LRP1B: variants seen among roughly 807,000 people sequenced by gnomAD.
LRP1B encodes the protein low-density lipoprotein receptor-related protein 1B.
LRP1B carries 217 observed loss-of-function variants against 556.6 expected under a neutral mutation model. That is an observed-to-expected ratio of 0.39 (90% confidence interval 0.35 to 0.44). The LOEUF is 0.44. Ranked by LOEUF, LRP1B falls within the 20% of genes least tolerant of loss-of-function variation. The pLI is 1.00. For missense variants in LRP1B, 5,053 were observed against 5,620.8 expected, an observed-to-expected ratio of 0.90 and a Z score of 3.23; for synonymous variants, 2,047 against 1,865.8, an observed-to-expected ratio of 1.10 and a Z score of -2.50.
In LRP1B at chr2:140,307,474, A is replaced by G. The variant is rs900620413; in HGVS notation, c.12805+7461T>C. On this transcript the variant is annotated intron_variant, in intron 83 of 90. Transcript: ENST00000389484. ...AGCTTCATATAAAATCCTATTGCTC[A>G]TTTTTTTCTTGATTTTATACTTTTG... Among the ~76,000 whole-genome samples, 3 of 151,666 alleles carry G rather than the reference A, an allele frequency of 2.0e-5. No homozygotes were observed. In the Admixed American group the frequency reaches 2.0e-4, roughly 10 times the overall value.
At chr2:141,665,864 G>A (rs2105403522) in intron 2 of LRP1B, among the ~76,000 whole-genome samples, 1 of 152,178 alleles carries the variant, frequency 6.6e-6, no homozygotes, top group Non-Finnish European at 1.5e-5. Flanking sequence ...ATTTCTACAT[G>A]TGACTAGCCA....
At chr2:140,736,920 G>A (rs1687965858) in intron 35 of LRP1B, among the ~76,000 whole-genome samples, 1 of 152,108 alleles carries the variant, frequency 6.6e-6, no homozygotes, top group Admixed American at 6.6e-5. Flanking sequence ...ACCATGACTG[G>A]CAAGGTTGAA....
chr2:141,887,259 G>T (rs1273224035), intron 1 of LRP1B, among the ~76,000 whole-genome samples: 5 of 152,114 alleles, frequency 3.3e-5, no homozygotes, highest in Non-Finnish European at 7.3e-5. Flanking sequence ...GGCTCCCGAA[G>T]TGCTGGGATT....
At chr2:140,285,320 C>CATAT (rs1683099067) in intron 84 of LRP1B, among the ~76,000 whole-genome samples, 6 of 69,906 alleles carry the variant, frequency 8.6e-5, no homozygotes, top group Admixed American at 2.9e-4. Flanking sequence ...TATACATACA[C>CATAT]ACACATATAC....
intron 1 of LRP1B, among the ~76,000 whole-genome samples, chr2:141,875,772 T>C (rs1698736709): frequency 6.6e-6 from 1 of 151,918 alleles, no homozygotes; most frequent in Non-Finnish European, 1.5e-5. Context: ...AAACTAAGAT[T>C]GTGTGTCTGT....
chr2:141,146,293 G>C (rs1279887161), intron 7 of LRP1B, among the ~76,000 whole-genome samples: 1 of 151,914 alleles, frequency 6.6e-6, no homozygotes, highest in Admixed American at 6.6e-5. Flanking sequence ...CTCCTTCCTT[G>C]GCAGTATTCA....
intron 2 of LRP1B, among the ~76,000 whole-genome samples, chr2:141,614,061 T>TAAGAGC (rs1688202361): frequency 2.1e-5 from 1 of 47,126 alleles, no homozygotes; most frequent in Admixed American, 3.8e-4. Context: ...GCCTGGGCGA[T>TAAGAGC]AAGAGCAAAA....
chr2:140,280,582 A>G (rs760553195), intron 84 of LRP1B, among the ~76,000 whole-genome samples: 4 of 151,808 alleles, frequency 2.6e-5, no homozygotes, highest in African/African-American at 4.8e-5. Context: ...GAAAGAGCTC[A>G]GAAATGCATG....
chr2:140,865,287 A>T (rs1375156197), intron 27 of LRP1B, among the ~76,000 whole-genome samples: 1 of 152,076 alleles, frequency 6.6e-6, no homozygotes, highest in Non-Finnish European at 1.5e-5. Context: ...AGATAATGGC[A>T]AATAGTATTT....
chr2:141,585,876 AC>A (rs1474508932), intron 2 of LRP1B, among the ~76,000 whole-genome samples: 7 of 143,164 alleles, frequency 4.9e-5, no homozygotes, highest in Non-Finnish European at 1.1e-4. Context: ...AGCTGGGACT[AC>A]AGGTGCACTT....
At chr2:141,660,311 G>A (rs1690165833) in intron 2 of LRP1B, among the ~76,000 whole-genome samples, 1 of 152,110 alleles carries the variant, frequency 6.6e-6, no homozygotes, top group Non-Finnish European at 1.5e-5. Context: ...ATGGATTTGT[G>A]CAACCCGTGG....
intron 3 of LRP1B, among the ~76,000 whole-genome samples, chr2:141,267,762 G>A (rs778334125): frequency 1.3e-5 from 2 of 152,136 alleles, no homozygotes; most frequent in Admixed American, 6.5e-5. Flanking sequence ...AGGTAGGAGT[G>A]TAAGAAAATG....
intron 3 of LRP1B, among the ~76,000 whole-genome samples, chr2:141,312,825 A>G (rs940158434): frequency 1.3e-5 from 2 of 151,944 alleles, no homozygotes; most frequent in African/African-American, 2.4e-5. Context: ...AGTAGCTGAG[A>G]TTACAGGTGC....
chr2:141,319,599 T>A (rs139881587), intron 3 of LRP1B, among the ~76,000 whole-genome samples: 1 of 152,206 alleles, frequency 6.6e-6, no homozygotes, highest in African/African-American at 2.4e-5. Flanking sequence ...TAATTTGACC[T>A]TGAATAAGAA....
At chr2:141,844,378 G>A (rs1697573612) in intron 1 of LRP1B, among the ~76,000 whole-genome samples, 1 of 151,980 alleles carries the variant, frequency 6.6e-6, no homozygotes, top group Non-Finnish European at 1.5e-5. Context: ...TAGTAACTTT[G>A]TTACCTAGCT....
intron 3 of LRP1B, among the ~76,000 whole-genome samples, chr2:141,474,038 TCCTTCCTTTC>T (rs1682600539): frequency 1.6e-5 from 2 of 126,754 alleles, no homozygotes; most frequent in African/African-American, 6.5e-5. Context: ...CTTCCTTCCT[TCCTTCCTTTC>T]CTTCCTTCCT....
intron 1 of LRP1B, among the ~76,000 whole-genome samples, chr2:141,876,187 C>A (rs1307522306): frequency 6.6e-6 from 1 of 151,866 alleles, no homozygotes; most frequent in Non-Finnish European, 1.5e-5. Context: ...AAATCTTATG[C>A]AATATTTTGC....
At chr2:140,303,822 A>G (rs1484287215) in intron 83 of LRP1B, among the ~76,000 whole-genome samples, 4 of 151,138 alleles carry the variant, frequency 2.6e-5, no homozygotes, top group South Asian at 2.1e-4. Flanking sequence ...CTCCCACCCA[A>G]TGACAGGCCC....
intron 1 of LRP1B, among the ~76,000 whole-genome samples, chr2:142,006,350 T>C (rs1702799275): frequency 6.6e-6 from 1 of 152,196 alleles, no homozygotes; most frequent in Admixed American, 6.5e-5. Flanking sequence ...TAAAGAAACC[T>C]GACAAGCAGT....
Sources: gnomAD v4.1 joint callset for allele counts (sites outside exome capture counted in the v4.1 genomes callset) on GRCh38, gnomAD v4.1.1 for gene constraint, MANE v1.5 for transcripts, NCBI Gene and HGNC (gene_info 2026-07-23, HGNC 2026-07-21) for gene names.